SLC2A13: variants seen among roughly 807,000 people sequenced by gnomAD.
The protein encoded by SLC2A13 is solute carrier family 2 member 13, also known as proton myo-inositol cotransporter.
SLC2A13 carries 32 observed loss-of-function variants against 64.4 expected under a neutral mutation model. The ratio of observed to expected loss-of-function variants is 0.50; its 90% CI spans 0.37 to 0.67. The LOEUF (loss-of-function observed/expected upper bound fraction) is 0.67. Among genes scored for constraint, SLC2A13 ranks in the 30% least tolerant of loss-of-function variants. The probability of loss-of-function intolerance (pLI) is 0.00; values close to 1 mark genes in which losing one functional copy is unlikely to be tolerated. For synonymous variants in SLC2A13, 338 were observed against 327.1 expected (o/e 1.03, Z -0.36); for missense variants, 743 against 829.2 (o/e 0.90, Z 1.28).
At chr12:39,807,154 G>A (rs1942004587) in intron 7 of SLC2A13, among the ~76,000 whole-genome samples, 1 of 152,304 alleles carries the variant, frequency 6.6e-6, no homozygotes. Context: ...CAAAAACCTC[G>A]ATAACTTTTG....
chr12:39,895,881 TATGCGTGTATATGCAC>T lies in SLC2A13; in HGVS notation c.1035-23936_1035-23921del, dbSNP rs1944795492. ...GCGTGTATATGCACACACATATGTATATGCGTGTATATGCACACACATATGTATATGTATGCATATA... is the reference window on the plus strand; with the variant it reads ...GCGTGTATATGCACACACATATGTATACACATATGTATATGTATGCATATA... On this transcript the variant is annotated intron_variant, in intron 4 of 9. Coordinates refer to ENST00000280871, the MANE Select transcript of SLC2A13 (RefSeq NM_052885.4). Among the ~76,000 whole-genome samples the T allele has an allele frequency of 4.6e-5, 4 of 87,596 alleles. 2 individuals carry two copies. Among genetic ancestry groups the T allele is most frequent in the African/African-American group, 8.3e-5 (2 of 23,978 alleles). The allele number at this position is 87,596 out of a possible 152,430, so 57.5% of individuals were successfully genotyped here.
intron 6 of SLC2A13, among the ~76,000 whole-genome samples, chr12:39,832,967 T>C (rs566574133): frequency 6.6e-6 from 1 of 152,220 alleles, no homozygotes; most frequent in East Asian, 1.9e-4. Context: ...TTCTCAAAAA[T>C]CCTGATCTAG....
intron 4 of SLC2A13, among the ~76,000 whole-genome samples, chr12:39,880,859 G>T (rs1187705661): frequency 6.6e-6 from 1 of 152,192 alleles, no homozygotes; most frequent in Admixed American, 6.5e-5. Flanking sequence ...GAACAATGAA[G>T]TAAGCTCTCT....
At chr12:39,829,399 T>C (rs1365226993) in intron 7 of SLC2A13, 1 of 99,842 alleles carries the variant, frequency 1.0e-5, no homozygotes, top group Admixed American at 1.0e-4. Flanking sequence ...ATTCTTTTTT[T>C]TTTTTTTTTT....
chr12:39,996,186 T>C (rs1947226541), intron 3 of SLC2A13, among the ~76,000 whole-genome samples: 1 of 152,184 alleles, frequency 6.6e-6, no homozygotes, highest in Non-Finnish European at 1.5e-5. Context: ...TGACTCTTGT[T>C]ATGTTTTAGC....
intron 1 of SLC2A13, among the ~76,000 whole-genome samples, chr12:40,078,129 T>G (rs966231336): frequency 6.6e-6 from 1 of 152,186 alleles, no homozygotes; most frequent in Admixed American, 6.6e-5. Context: ...TCTTCCTATT[T>G]GGATGACTTT....
At chr12:40,101,394 G>A (rs1006990554) in intron 1 of SLC2A13, among the ~76,000 whole-genome samples, 6 of 152,030 alleles carry the variant, frequency 3.9e-5, no homozygotes, top group Non-Finnish European at 8.8e-5. Flanking sequence ...TTTGTCAAAG[G>A]TTTCTACTGA....
chr12:39,862,585 C>T (rs529521588), intron 6 of SLC2A13, among the ~76,000 whole-genome samples: 9 of 152,324 alleles, frequency 5.9e-5, no homozygotes, highest in African/African-American at 1.4e-4. Context: ...TTTTCCTATA[C>T]GGATCACTCC....
At chr12:39,781,810 C>T (rs1039006407) in intron 7 of SLC2A13, among the ~76,000 whole-genome samples, 1 of 152,168 alleles carries the variant, frequency 6.6e-6, no homozygotes, top group Non-Finnish European at 1.5e-5. Context: ...TAGCAATGGA[C>T]AAAAGTTAGT....
At chr12:39,781,748 T>C (rs1940993561) in intron 7 of SLC2A13, among the ~76,000 whole-genome samples, 1 of 152,106 alleles carries the variant, frequency 6.6e-6, no homozygotes, top group Non-Finnish European at 1.5e-5. Context: ...ATAAAAGAGA[T>C]ATTAGTAGAC....
At chr12:39,765,622 A>G (rs1439296979) in intron 7 of SLC2A13, among the ~76,000 whole-genome samples, 2 of 152,084 alleles carry the variant, frequency 1.3e-5, no homozygotes, top group East Asian at 1.9e-4. Context: ...TTATGAACTC[A>G]TCATAACATT....
intron 3 of SLC2A13, among the ~76,000 whole-genome samples, chr12:39,983,084 C>T (rs947325532): frequency 2.6e-5 from 4 of 151,250 alleles, no homozygotes; most frequent in African/African-American, 4.8e-5. Flanking sequence ...GGGAAAGGAT[C>T]CCCTATTTAA....
chr12:39,955,658 TA>T (rs1421839434), intron 3 of SLC2A13, among the ~76,000 whole-genome samples: 3 of 152,032 alleles, frequency 2.0e-5, no homozygotes, highest in Non-Finnish European at 2.9e-5. Flanking sequence ...TAGGTATAAT[TA>T]AGTTAAAAAT....
chr12:40,105,959 G>GCCACGGC lies in SLC2A13; in HGVS notation c.-158_-152dup. 1.1e-6 allele frequency: 1 copy of GCCACGGC among 951,286 alleles called. No homozygotes were observed. The highest frequency in any genetic ancestry group is 1.7e-5 in the African/African-American group (1 of 58,072). The allele number at this position is 951,286 out of a possible 1,614,324, so 58.9% of individuals were successfully genotyped here. On this transcript the variant is annotated 5_prime_UTR_variant, in exon 1 of 10. Coordinates refer to ENST00000280871, the MANE Select transcript of SLC2A13 (RefSeq NM_052885.4). This position sits in a 1 kb window ranked among gnomAD's most constrained non-coding sequence, Gnocchi z 4.2. ...TCCGGCTGCCACGGCAGCAGCCGCC[G>GCCACGGC]CCACGGCCGCTCCGGGGAGAAAGTT...
chr12:39,850,586 T>C (rs1230848508), intron 6 of SLC2A13, among the ~76,000 whole-genome samples: 1 of 152,198 alleles, frequency 6.6e-6, no homozygotes, highest in Non-Finnish European at 1.5e-5. Flanking sequence ...TAATTGTATC[T>C]GTGCCAACAT....
chr12:40,017,228 G>A lies in SLC2A13; in HGVS notation c.925+11073C>T, dbSNP rs28370777. 9.4e-3 allele frequency among the ~76,000 whole-genome samples: 1,435 copies of A among 152,274 alleles called. 16 individuals carry two copies. Among genetic ancestry groups the A allele is most frequent in the African/African-American group, 0.032 (1,344 of 41,542 alleles). ...CTAACGTCAGGCAATGACTGTATCT[G>A]GCAATGAGGATACAAAGATAAGTAA... is the stretch of plus-strand genomic sequence containing the variant. On this transcript the variant is annotated intron_variant, in intron 3 of 9. Coordinates refer to ENST00000280871, the MANE Select transcript of SLC2A13 (RefSeq NM_052885.4).
chr12:39,912,656 G>T (rs151286468), intron 4 of SLC2A13, among the ~76,000 whole-genome samples: 4 of 152,120 alleles, frequency 2.6e-5, no homozygotes, highest in Non-Finnish European at 5.9e-5. Context: ...TTATTATAAT[G>T]AGAAAGCAGC....
intron 3 of SLC2A13, among the ~76,000 whole-genome samples, chr12:39,976,330 TG>T (rs1946757045): frequency 6.6e-6 from 1 of 152,216 alleles, no homozygotes. Context: ...TGGTCCTTGA[TG>T]TCAAGAAACA....
intron 3 of SLC2A13, among the ~76,000 whole-genome samples, chr12:39,993,123 G>A (rs925043259): frequency 1.3e-5 from 2 of 152,094 alleles, no homozygotes; most frequent in Non-Finnish European, 2.9e-5. Context: ...GCATTTAAGA[G>A]GAATAATATT....
Sources: allele counts gnomAD v4.1 joint callset (sites outside exome capture counted in the v4.1 genomes callset), GRCh38; gene constraint gnomAD v4.1.1; non-coding constraint Gnocchi (gnomAD v3.1); transcripts MANE v1.5; gene names NCBI Gene and HGNC (gene_info 2026-07-23, HGNC 2026-07-21).